Variants in EHD4 observed in about 807,000 individuals in gnomAD.
EHD4 encodes the protein EH domain containing 4.
EHD4 carries 37 observed loss-of-function variants against 51.0 expected under a neutral mutation model. The observed-to-expected ratio is 0.73, with a 90% CI of 0.56 to 0.95. EHD4 has a LOEUF of 0.95. Ranked by LOEUF, EHD4 falls within the 40% of genes least tolerant of loss-of-function variation. EHD4 has a pLI of 0.00. For synonymous variants in EHD4, 297 were observed against 317.3 expected (o/e 0.94, Z 0.68); for missense variants, 632 against 733.1 (o/e 0.86, Z 1.59).
intron 1 of EHD4, among the ~76,000 whole-genome samples, chr15:41,959,167 C>T (rs577063578): frequency 9.2e-5 from 14 of 151,668 alleles, no homozygotes; most frequent in African/African-American, 2.2e-4. Flanking sequence ...CCGAGGTGGG[C>T]GGATCACGAG....
At chr15:41,907,553 A>G (rs943439640) in intron 5 of EHD4, among the ~76,000 whole-genome samples, 2 of 152,054 alleles carry the variant, frequency 1.3e-5, no homozygotes, top group Non-Finnish European at 2.9e-5. Context: ...GGGGTCTTAC[A>G]CTGTTGTCCT....
At chr15:41,962,674 CG>C (rs931323390) in intron 1 of EHD4, among the ~76,000 whole-genome samples, 1 of 151,732 alleles carries the variant, frequency 6.6e-6, no homozygotes, top group Admixed American at 6.6e-5. Flanking sequence ...GGGAGGGAGG[CG>C]GGGGGCAGCC....
At chr15:41,911,458 G>C (rs558265009) in intron 4 of EHD4, among the ~76,000 whole-genome samples, 2 of 151,048 alleles carry the variant, frequency 1.3e-5, no homozygotes, top group South Asian at 2.1e-4. Flanking sequence ...CTTTGCCTCC[G>C]ACAGTGAATG....
intron 3 of EHD4, chr15:41,942,776 C>T (rs1227076068): frequency 4.1e-5 from 12 of 292,260 alleles, no homozygotes; most frequent in African/African-American, 8.7e-5. Context: ...CCAACACCCC[C>T]GAGGCCAAGC....
chr15:41,947,831 A>T (rs2141001790), intron 2 of EHD4, among the ~76,000 whole-genome samples: 1 of 152,336 alleles, frequency 6.6e-6, no homozygotes, highest in Non-Finnish European at 1.5e-5. Flanking sequence ...ATGTACTTTT[A>T]TAAATCCCCT....
intron 3 of EHD4, among the ~76,000 whole-genome samples, chr15:41,927,785 A>T (rs1383073061): frequency 1.3e-5 from 2 of 152,258 alleles, no homozygotes; most frequent in Admixed American, 6.5e-5. Flanking sequence ...CTGTGCCTAT[A>T]GCCACATTGT....
At position 41,900,617 on chromosome 15, in the gene EHD4, G is replaced by T. The variant is rs1346407566; in HGVS notation, c.*28C>A. ...GCAGGCCTGAGGCCCAGGTCCCCCA[G>T]TTCCCACCCCGTTCTGCAGCCCACC... On this transcript the variant is annotated 3_prime_UTR_variant, in exon 6 of 6. Transcript: ENST00000220325. The surrounding 1 kb of genome is among the most constrained non-coding windows in gnomAD (Gnocchi z 4.8). The T allele has an allele frequency of 1.1e-5, 17 of 1,543,490 alleles. No homozygotes were observed. Among genetic ancestry groups the T allele is most frequent in the Non-Finnish European group, 1.3e-5 (15 of 1,148,622 alleles).
At chr15:41,940,197 C>T (rs1015044129) in intron 3 of EHD4, among the ~76,000 whole-genome samples, 12 of 152,204 alleles carry the variant, frequency 7.9e-5, no homozygotes, top group African/African-American at 2.4e-4. Context: ...AAGCGGCCAC[C>T]TTTCCTCCTT....
At chr15:41,971,653 C>CT (rs756953230) in intron 1 of EHD4, among the ~76,000 whole-genome samples, 2 of 152,196 alleles carry the variant, frequency 1.3e-5, no homozygotes, top group Non-Finnish European at 2.9e-5. Flanking sequence ...GTTCCACAGG[C>CT]TGGTGCGGCT....
At position 41,972,369 on chromosome 15, in the gene EHD4, C is replaced by T. The variant is rs1372407402; in HGVS notation, c.126G>A (p.Ala42=). ...YLRKVLPLEE[A]YRFHEFHSPA... ...GCGAGTGGAACTCGTGGAAGCGGTACGCCTCCTCCAGCGGCAGCACCTTGC... is the reference window on the plus strand; with the variant it reads ...GCGAGTGGAACTCGTGGAAGCGGTATGCCTCCTCCAGCGGCAGCACCTTGC... The change falls in exon 1 of 6, where the codon GCG becomes GCA. Residue 42 remains alanine, a synonymous_variant. Coordinates refer to ENST00000220325, the MANE Select transcript of EHD4 (RefSeq NM_139265.4). The T allele has an allele frequency of 1.9e-6, 3 of 1,611,222 alleles. No homozygotes were observed. Among genetic ancestry groups the T allele is most frequent in the East Asian group, 2.2e-5 (1 of 44,728 alleles).
At chr15:41,952,290 A>ATG (rs1437483991) in intron 2 of EHD4, among the ~76,000 whole-genome samples, 2 of 152,098 alleles carry the variant, frequency 1.3e-5, no homozygotes, top group Non-Finnish European at 1.5e-5. Context: ...TAGAAAGGAG[A>ATG]TGTGGACTGT....
At chr15:41,914,526 G>T (rs909202728) in intron 4 of EHD4, among the ~76,000 whole-genome samples, 2 of 152,142 alleles carry the variant, frequency 1.3e-5, no homozygotes, top group African/African-American at 4.8e-5. Flanking sequence ...GTGTAATTCC[G>T]TGCAGCCTTA....
chr15:41,959,795 C>G (rs2067912944), intron 1 of EHD4, among the ~76,000 whole-genome samples: 1 of 151,976 alleles, frequency 6.6e-6, no homozygotes, highest in Non-Finnish European at 1.5e-5. Flanking sequence ...CACGGTGAAA[C>G]CCCGTCTCTA....
chr15:41,936,103 T>C (rs575534854), intron 3 of EHD4, among the ~76,000 whole-genome samples: 1 of 152,372 alleles, frequency 6.6e-6, no homozygotes, highest in South Asian at 2.1e-4. Context: ...AGGTGGAACC[T>C]GCAGGGCTTC....
chr15:41,934,031 G>A (rs1376254436), intron 3 of EHD4, among the ~76,000 whole-genome samples: 1 of 152,070 alleles, frequency 6.6e-6, no homozygotes, highest in Non-Finnish European at 1.5e-5. Flanking sequence ...CCACCCCATC[G>A]TCTCTCTCAC....
chr15:41,914,474 G>A (rs1350457274), intron 4 of EHD4, among the ~76,000 whole-genome samples: 2 of 148,406 alleles, frequency 1.3e-5, no homozygotes, highest in Admixed American at 6.7e-5. Context: ...CTTGAGCAAG[G>A]GTTTGTTATT....
intron 3 of EHD4, among the ~76,000 whole-genome samples, chr15:41,931,910 C>T (rs1183031633): frequency 2.0e-5 from 3 of 151,910 alleles, no homozygotes; most frequent in East Asian, 1.9e-4. Flanking sequence ...CTCCTGACCT[C>T]GTGATCCGCC....
At chr15:41,904,225 G>T (rs143491440) in intron 5 of EHD4, among the ~76,000 whole-genome samples, 3 of 152,208 alleles carry the variant, frequency 2.0e-5, no homozygotes, top group African/African-American at 7.2e-5. Context: ...TGCAGGGGCC[G>T]TGGATTCCGA....
At chr15:41,970,268 C>T (rs1346782597) in intron 1 of EHD4, among the ~76,000 whole-genome samples, 2 of 152,202 alleles carry the variant, frequency 1.3e-5, no homozygotes, top group African/African-American at 2.4e-5. Context: ...CACTGGTCTA[C>T]CTTGTGTACA....
Sources: gnomAD v4.1 joint callset for allele counts (sites outside exome capture counted in the v4.1 genomes callset) on GRCh38, gnomAD v4.1.1 for gene constraint, Gnocchi (gnomAD v3.1) non-coding constraint, MANE v1.5 for transcripts, NCBI Gene and HGNC (gene_info 2026-07-23, HGNC 2026-07-21) for gene names.